Variants in CCSER1 observed in about 807,000 individuals in gnomAD.
CCSER1 encodes the protein coiled-coil serine rich protein 1, also known as serine-rich coiled-coil domain-containing protein 1.
Under a neutral mutation model 82.0 loss-of-function variants are expected in CCSER1, and 41 were observed. That is an observed-to-expected ratio of 0.50 (90% CI 0.39 to 0.65). CCSER1 has a LOEUF of 0.65. Ranked by LOEUF, CCSER1 falls within the 30% of genes least tolerant of loss-of-function variation. The pLI, the probability that CCSER1 is intolerant of heterozygous loss-of-function variation, is 0.00. For missense variants in CCSER1, 1,119 were observed against 1,064.2 expected (o/e 1.05, Z -0.72); for synonymous variants, 414 against 383.9 (o/e 1.08, Z -0.92).
chr4:90,473,108 A>C (rs1764617396), intron 5 of CCSER1, among the ~76,000 whole-genome samples: 1 of 152,222 alleles, frequency 6.6e-6, no homozygotes. Context: ...ACATTTCTCA[A>C]GTCAGTTCTA....
intron 10 of CCSER1, among the ~76,000 whole-genome samples, chr4:91,224,056 G>T (rs1038318546): frequency 1.5e-5 from 2 of 135,028 alleles, no homozygotes; most frequent in Middle Eastern, 3.8e-3. Flanking sequence ...GCTCAAAGTG[G>T]CTTTTTTTTT....
intron 3 of CCSER1, among the ~76,000 whole-genome samples, chr4:90,357,427 G>C (rs899795343): frequency 2.6e-5 from 4 of 151,702 alleles, no homozygotes; most frequent in Admixed American, 6.6e-5. Flanking sequence ...AATTATGAGA[G>C]ACTTATTTTC....
At chr4:90,388,595 C>T (rs753344842) in intron 3 of CCSER1, among the ~76,000 whole-genome samples, 8 of 151,052 alleles carry the variant, frequency 5.3e-5, no homozygotes, top group Non-Finnish European at 1.0e-4. Flanking sequence ...CAGGCGTGAG[C>T]CACCACGCCC....
intron 9 of CCSER1, among the ~76,000 whole-genome samples, chr4:90,924,669 T>A (rs943936699): frequency 6.6e-6 from 1 of 152,146 alleles, no homozygotes; most frequent in South Asian, 2.1e-4. Context: ...TAGTTCAATA[T>A]TGGTCTTTTG....
intron 10 of CCSER1, among the ~76,000 whole-genome samples, chr4:91,484,041 T>C (rs939268908): frequency 3.7e-5 from 5 of 135,982 alleles, no homozygotes; most frequent in African/African-American, 1.4e-4. Flanking sequence ...TTGAGTCTTA[T>C]TCTGCCTATT....
rs1578621716 is a variant in CCSER1, at chr4:91,496,748, T to TA, written c.2218-101824_2218-101823insA. Among the ~76,000 whole-genome samples the TA allele has an allele frequency of 7.0e-4, 7 of 10,014 alleles. No homozygotes were observed. The East Asian group carries it at 0.13, about 188-fold the overall frequency. The allele number at this position is 10,014 out of a possible 152,430, so 6.6% of individuals were successfully genotyped here. On this transcript the variant is annotated intron_variant, in intron 10 of 10. Coordinates refer to ENST00000509176, the MANE Select transcript of CCSER1 (RefSeq NM_001145065.2). ...AATATATATATATATTGAATATATA[T>TA]TTGAATATATATATATTCAATATAT...
At chr4:90,831,304 C>A (rs935604635) in intron 8 of CCSER1, among the ~76,000 whole-genome samples, 9 of 152,064 alleles carry the variant, frequency 5.9e-5, no homozygotes, top group Non-Finnish European at 1.3e-4. Context: ...ATAATAGGTA[C>A]TGTATTCATT....
At chr4:91,525,642 G>C (rs1459833717) in intron 10 of CCSER1, among the ~76,000 whole-genome samples, 1 of 151,996 alleles carries the variant, frequency 6.6e-6, no homozygotes, top group African/African-American at 2.4e-5. Flanking sequence ...TCACCCCTCA[G>C]ATACCCCCTC....
intron 5 of CCSER1, among the ~76,000 whole-genome samples, chr4:90,565,594 C>T (rs1458893264): frequency 6.6e-6 from 1 of 152,182 alleles, no homozygotes; most frequent in Non-Finnish European, 1.5e-5. Context: ...GTTCTAATGT[C>T]AGTGGAAAAG....
intron 5 of CCSER1, among the ~76,000 whole-genome samples, chr4:90,568,480 T>A (rs541085021): frequency 1.1e-4 from 17 of 152,320 alleles, no homozygotes; most frequent in African/African-American, 3.8e-4. Flanking sequence ...TTTGGTTATT[T>A]CTACTCTCTT....
chr4:90,766,427 A>G (rs1438825735), intron 7 of CCSER1, among the ~76,000 whole-genome samples: 7 of 152,200 alleles, frequency 4.6e-5, no homozygotes, highest in Admixed American at 4.6e-4. Context: ...CCAGAAAGCG[A>G]TCAATCTATT....
chr4:91,174,742 ATTC>A (rs1733127832), intron 10 of CCSER1, among the ~76,000 whole-genome samples: 1 of 152,026 alleles, frequency 6.6e-6, no homozygotes, highest in South Asian at 2.1e-4. Flanking sequence ...TTCTATGATG[ATTC>A]TTCAAGTATG....
intron 10 of CCSER1, among the ~76,000 whole-genome samples, chr4:91,179,422 G>A (rs1007687693): frequency 1.3e-5 from 2 of 152,092 alleles, no homozygotes; most frequent in Admixed American, 6.5e-5. Flanking sequence ...CATTCTCCCC[G>A]CCACTTTCAG....
intron 5 of CCSER1, among the ~76,000 whole-genome samples, chr4:90,612,510 A>G (rs2148828740): frequency 6.6e-6 from 1 of 152,356 alleles, no homozygotes; most frequent in East Asian, 1.9e-4. Context: ...GATTTATGAC[A>G]TATGCAACTC....
chr4:91,472,569 A>G (rs1429451272), intron 10 of CCSER1, among the ~76,000 whole-genome samples: 1 of 152,228 alleles, frequency 6.6e-6, no homozygotes, highest in African/African-American at 2.4e-5. Flanking sequence ...CATAGTTAGT[A>G]AATGACACAT....
intron 10 of CCSER1, among the ~76,000 whole-genome samples, chr4:91,441,057 A>G (rs1258322506): frequency 6.6e-6 from 1 of 152,116 alleles, no homozygotes; most frequent in Non-Finnish European, 1.5e-5. Flanking sequence ...AGGAACTGGT[A>G]CCATTCCTTC....
chr4:91,470,978 T>C (rs1288780929), intron 10 of CCSER1, among the ~76,000 whole-genome samples: 1 of 152,206 alleles, frequency 6.6e-6, no homozygotes, highest in South Asian at 2.1e-4. Flanking sequence ...TGTGTGTCTC[T>C]GGAAAATTTC....
chr4:90,438,185 T>C lies in CCSER1; in HGVS notation c.1604-30049T>C, dbSNP rs555945192. ...CTAAGGCAGTGGCATTTTTTGTTTC[T>C]CTTAAGAAACCAGACTTGATCTTTG... On this transcript the variant is annotated intron_variant, in intron 4 of 10. Transcript: ENST00000509176. Among the ~76,000 whole-genome samples, 6 of 152,318 alleles carry C rather than the reference T, an allele frequency of 3.9e-5. No individual in the cohort carries two copies. In the South Asian group the frequency reaches 1.2e-3, roughly 32 times the overall value.
At chr4:91,048,261 G>C (rs1242748163) in intron 9 of CCSER1, among the ~76,000 whole-genome samples, 1 of 149,946 alleles carries the variant, frequency 6.7e-6, no homozygotes, top group African/African-American at 2.5e-5. Flanking sequence ...TTTATATATA[G>C]TTATATATAC....
Sources: allele counts gnomAD v4.1 joint callset (sites outside exome capture counted in the v4.1 genomes callset), GRCh38; gene constraint gnomAD v4.1.1; transcripts MANE v1.5; gene names NCBI Gene and HGNC (gene_info 2026-07-23, HGNC 2026-07-21).